Variants in KATNIP observed in about 807,000 individuals in gnomAD.
KATNIP encodes the protein katanin interacting protein.
Under a neutral mutation model 174.0 loss-of-function variants are expected in KATNIP, and 126 were observed. The ratio of observed to expected loss-of-function variants is 0.72; its 90% confidence interval spans 0.63 to 0.84. The LOEUF (loss-of-function observed/expected upper bound fraction) is 0.84, where lower values mean the gene tolerates loss of function less well. Among genes scored for constraint, KATNIP ranks in the 40% least tolerant of loss-of-function variants. The probability of loss-of-function intolerance (pLI) is 0.00; values close to 1 mark genes in which losing one functional copy is unlikely to be tolerated. For missense variants in KATNIP, 1,958 were observed against 2,109.7 expected, an observed-to-expected ratio of 0.93 and a Z score of 1.41; for synonymous variants, 810 against 835.7, an observed-to-expected ratio of 0.97 and a Z score of 0.53.
intron 6 of KATNIP, among the ~76,000 whole-genome samples, chr16:27,655,221 TA>T (rs2077238459): frequency 4.2e-5 from 5 of 118,406 alleles, no homozygotes; most frequent in African/African-American, 1.0e-4. Context: ...TATATATATA[TA>T]TATATATTTT....
At chr16:27,696,708 C>T (rs1269444327) in intron 8 of KATNIP, among the ~76,000 whole-genome samples, 2 of 150,786 alleles carry the variant, frequency 1.3e-5, no homozygotes, top group Admixed American at 6.6e-5. Flanking sequence ...GTGGTGTATT[C>T]TATAGTATTC....
intron 18 of KATNIP, among the ~76,000 whole-genome samples, chr16:27,758,422 C>G (rs572071116): frequency 1.2e-4 from 19 of 152,294 alleles, no homozygotes; most frequent in African/African-American, 4.6e-4. Flanking sequence ...TTCAAGCCAT[C>G]CTTACTGCAA....
chr16:27,649,766 A>G (rs2077063134), intron 6 of KATNIP, among the ~76,000 whole-genome samples: 2 of 152,260 alleles, frequency 1.3e-5, no homozygotes, highest in African/African-American at 4.8e-5. Context: ...TGAAGAAAAC[A>G]GAAGAGAAAG....
chr16:27,749,910 A>C lies in KATNIP; in HGVS notation c.2950A>C (p.Thr984Pro). 6.2e-7 allele frequency: 1 copy of C among 1,614,162 alleles called. No homozygotes were observed. The highest frequency in any genetic ancestry group is 2.2e-5 in the East Asian group (1 of 44,880). The change falls in exon 16 of 28, where the codon ACC becomes CCC. Residue 984 changes from threonine to proline, a missense_variant. By Grantham distance (38) the Thr-to-Pro change is conservative. Transcript: ENST00000261588. ...GCGCTTGGTCATTGACATCAAGTCTACCTGGGGGGACAGACACTATGTCGG... is the reference window on the plus strand; with the variant it reads ...GCGCTTGGTCATTGACATCAAGTCTCCCTGGGGGGACAGACACTATGTCGG... Reference protein sequence around the residue: ...GQRLVIDIKSTWGDRHYVGLN... With the variant: ...GQRLVIDIKSPWGDRHYVGLN...
At chr16:27,667,017 A>G (rs897715800) in intron 6 of KATNIP, among the ~76,000 whole-genome samples, 2 of 152,078 alleles carry the variant, frequency 1.3e-5, no homozygotes, top group Non-Finnish European at 2.9e-5. Flanking sequence ...GGGGACACGT[A>G]TATTCAATAA....
In KATNIP at chr16:27,677,904, A is replaced by T. The variant is rs1319916063; in HGVS notation, c.716A>T (p.Gln239Leu). The change falls in exon 7 of 28, where the codon CAG (glutamine) becomes CTG (leucine). Residue 239 changes from glutamine to leucine, a missense_variant. Gln to Leu is a moderately radical substitution (Grantham distance 113). This residue lies in a region of KATNIP where 1,557 missense variants were observed against 1,617.8 expected (regional missense o/e 0.96). Coordinates refer to ENST00000261588, the MANE Select transcript of KATNIP (RefSeq NM_015202.5). ...DRPPSSGDWT[Q>L]KDVHGEQETE... ...CCTCCTTCCAGTGGCGACTGGACTC[A>T]GAAAGATGTTCACGGGGAACAGGAG... 6.2e-7 allele frequency: 1 copy of T among 1,614,122 alleles called. No homozygotes were observed. Among genetic ancestry groups the T allele is most frequent in the African/African-American group, 1.3e-5 (1 of 74,954 alleles).
intron 2 of KATNIP, among the ~76,000 whole-genome samples, chr16:27,613,654 C>T (rs2075960272): frequency 6.6e-6 from 1 of 152,190 alleles, no homozygotes. Flanking sequence ...ATAATCACTA[C>T]TTCAAGGGCT....
chr16:27,709,342 C>A (rs1474518017), intron 13 of KATNIP, among the ~76,000 whole-genome samples: 2 of 151,010 alleles, frequency 1.3e-5, no homozygotes, highest in Non-Finnish European at 2.9e-5. Flanking sequence ...AAAAAATAGG[C>A]CGGGTATGGT....
chr16:27,550,187 T>G lies in KATNIP; in HGVS notation c.7+10T>G, dbSNP rs1420818093. 1.9e-6 allele frequency: 3 copies of G among 1,608,936 alleles called. No individual in the cohort carries two copies. The highest frequency in any genetic ancestry group is 2.6e-6 in the Non-Finnish European group (3 of 1,176,414). On this transcript the variant is annotated intron_variant, in intron 1 of 27. Transcript: ENST00000261588. ...CCTCTAGGGATGGACGGTGAGTGTC[T>G]GTGGGCCCCTCCGGGAGGTCGGGCT...
chr16:27,594,838 G>A (rs990365947), intron 2 of KATNIP, among the ~76,000 whole-genome samples: 2 of 152,204 alleles, frequency 1.3e-5, no homozygotes, highest in Non-Finnish European at 2.9e-5. Context: ...AATCATAATA[G>A]CCAGTTTATC....
chr16:27,671,747 A>G (rs555825756), intron 6 of KATNIP, among the ~76,000 whole-genome samples: 9 of 152,306 alleles, frequency 5.9e-5, no homozygotes, highest in Admixed American at 3.3e-4. Flanking sequence ...TCCAAGAGCC[A>G]TAGAGATCTT....
intron 14 of KATNIP, among the ~76,000 whole-genome samples, chr16:27,725,289 G>A (rs1226649964): frequency 6.6e-6 from 1 of 152,140 alleles, no homozygotes; most frequent in African/African-American, 2.4e-5. Context: ...TCTTATAGAC[G>A]AAGAAGCCAG....
intron 1 of KATNIP, among the ~76,000 whole-genome samples, chr16:27,567,570 C>T (rs2090136785): frequency 6.6e-6 from 1 of 152,168 alleles, no homozygotes; most frequent in African/African-American, 2.4e-5. Context: ...GTCACCCAGG[C>T]TGGAGTGCAG....
At chr16:27,643,788 A>G (rs2076875315) in intron 5 of KATNIP, among the ~76,000 whole-genome samples, 1 of 151,772 alleles carries the variant, frequency 6.6e-6, no homozygotes, top group African/African-American at 2.4e-5. Flanking sequence ...CATTTTCTTC[A>G]TCATCTAGAT....
At chr16:27,761,031 A>G (rs2081934449) in intron 18 of KATNIP, among the ~76,000 whole-genome samples, 1 of 152,196 alleles carries the variant, frequency 6.6e-6, no homozygotes, top group South Asian at 2.1e-4. Context: ...GGTGGGGCCT[A>G]GGGTCCCTGG....
intron 2 of KATNIP, among the ~76,000 whole-genome samples, chr16:27,575,464 G>A (rs1193590640): frequency 6.6e-6 from 1 of 152,300 alleles, no homozygotes; most frequent in East Asian, 1.9e-4. Flanking sequence ...GATAAATTGT[G>A]TGGCTCATCA....
At chr16:27,670,996 A>G (rs1420067299) in intron 6 of KATNIP, among the ~76,000 whole-genome samples, 1 of 152,170 alleles carries the variant, frequency 6.6e-6, no homozygotes, top group Admixed American at 6.5e-5. Flanking sequence ...GTTCAAGACC[A>G]GCCTAGCCAA....
intron 2 of KATNIP, among the ~76,000 whole-genome samples, chr16:27,575,004 G>A (rs1051496606): frequency 6.6e-6 from 1 of 152,192 alleles, no homozygotes; most frequent in Non-Finnish European, 1.5e-5. Flanking sequence ...CACCTACTCT[G>A]TGCCAGGCAC....
At chr16:27,598,064 C>CA (rs1353304472) in intron 2 of KATNIP, among the ~76,000 whole-genome samples, 1 of 152,026 alleles carries the variant, frequency 6.6e-6, no homozygotes, top group African/African-American at 2.4e-5. Flanking sequence ...CCCGTCTCTA[C>CA]AAAAAATAAC....
Sources: allele counts gnomAD v4.1 joint callset (sites outside exome capture counted in the v4.1 genomes callset), GRCh38; gene constraint gnomAD v4.1.1; regional missense constraint gnomAD v4.1.1; transcripts MANE v1.5; gene names NCBI Gene and HGNC (gene_info 2026-07-23, HGNC 2026-07-21).